NIPAL2: variants seen among roughly 807,000 people sequenced by gnomAD.
NIPAL2 encodes the protein NIPA like domain containing 2, also known as NIPA-like protein 2.
NIPAL2 carries 43 observed loss-of-function variants against 48.9 expected under a neutral mutation model. That is an observed-to-expected ratio of 0.88 (90% confidence interval 0.69 to 1.13). The LOEUF (loss-of-function observed/expected upper bound fraction) is 1.13, where lower values mean the gene tolerates loss of function less well. Among genes scored for constraint, NIPAL2 ranks in the 50% most tolerant of loss-of-function variants. The pLI is 0.00. For missense variants in NIPAL2, 446 were observed against 461.4 expected, an observed-to-expected ratio of 0.97 and a Z score of 0.31; for synonymous variants, 167 against 174.6, an observed-to-expected ratio of 0.96 and a Z score of 0.34.
At chr8:98,245,229 C>A (rs558562616) in intron 3 of NIPAL2, among the ~76,000 whole-genome samples, 4 of 152,200 alleles carry the variant, frequency 2.6e-5, no homozygotes, top group African/African-American at 7.2e-5. Context: ...GTGGACACAT[C>A]GAGCGTGCTC....
intron 5 of NIPAL2, among the ~76,000 whole-genome samples, chr8:98,218,255 A>T (rs1023139095): frequency 6.6e-6 from 1 of 152,184 alleles, no homozygotes. Flanking sequence ...CTGCAGGCAA[A>T]GAGTAATAAT....
rs564096649 is a variant in NIPAL2 at position 98,205,254 on chromosome 8, A to G, written c.656-8T>C. On this transcript the variant is annotated splice_region_variant and splice_polypyrimidine_tract_variant and intron_variant, in intron 6 of 10. Coordinates refer to ENST00000430223, the MANE Select transcript of NIPAL2 (RefSeq NM_001321635.2). ...AAATAACAGTCAATGAGGCTGAAAAAGAAAACAAAAAACACAAATAAAGAA... is the reference window on the plus strand; with the variant it reads ...AAATAACAGTCAATGAGGCTGAAAAGGAAAACAAAAAACACAAATAAAGAA... 3.1e-6 allele frequency: 5 copies of G among 1,599,628 alleles called. No individual in the cohort carries two copies. In the East Asian group the frequency reaches 1.1e-4, roughly 36 times the overall value.
At chr8:98,276,041 C>A (rs529776513) in intron 1 of NIPAL2, among the ~76,000 whole-genome samples, 15 of 152,328 alleles carry the variant, frequency 9.8e-5, no homozygotes, top group Admixed American at 5.2e-4. Context: ...TTCCCATTCT[C>A]ATGAATCAAG....
intron 1 of NIPAL2, among the ~76,000 whole-genome samples, chr8:98,279,741 A>G (rs1181392651): frequency 6.6e-6 from 1 of 152,226 alleles, no homozygotes; most frequent in Non-Finnish European, 1.5e-5. Context: ...CTTTTTCTCA[A>G]TACAAATGAA....
chr8:98,281,447 G>A (rs1815825050), intron 1 of NIPAL2, among the ~76,000 whole-genome samples: 1 of 152,048 alleles, frequency 6.6e-6, no homozygotes, highest in Non-Finnish European at 1.5e-5. Flanking sequence ...GGTGACTACA[G>A]CCAATAATAA....
intron 10 of NIPAL2, 27 bp from the exon 11 acceptor site, chr8:98,193,117 C>T: frequency 2.6e-6 from 4 of 1,535,952 alleles, no homozygotes; most frequent in Non-Finnish European, 3.6e-6. Context: ...CATAGAGAAT[C>T]TTTTGAGGTC....
intron 4 of NIPAL2, among the ~76,000 whole-genome samples, chr8:98,231,225 G>A (rs1298109420): frequency 6.6e-6 from 1 of 152,114 alleles, no homozygotes; most frequent in Non-Finnish European, 1.5e-5. Context: ...TGAAAATCTC[G>A]GTGATGTGGT....
At chr8:98,213,618 T>C (rs1314924430) in intron 5 of NIPAL2, among the ~76,000 whole-genome samples, 1 of 152,156 alleles carries the variant, frequency 6.6e-6, no homozygotes, top group Admixed American at 6.5e-5. Flanking sequence ...TTTTTTTTTT[T>C]CCTAGTTCTT....
intron 7 of NIPAL2, among the ~76,000 whole-genome samples, chr8:98,203,463 G>A (rs1810895625): frequency 6.6e-6 from 1 of 152,208 alleles, no homozygotes; most frequent in Non-Finnish European, 1.5e-5. Flanking sequence ...TGAGTTGGAA[G>A]CGATTCAAGC....
rs544934671 is a variant in NIPAL2, at chr8:98,217,726, A to T, written c.558+4753T>A. On this transcript the variant is annotated intron_variant, in intron 5 of 10. Coordinates refer to ENST00000430223, the MANE Select transcript of NIPAL2 (RefSeq NM_001321635.2). ...CTATTCTCCTTAGAGTCTAATGCCA[A>T]CAGTATTATTCAAAAGTGACTTTAT... is the stretch of plus-strand genomic sequence containing the variant. Among the ~76,000 whole-genome samples, 61 of 152,350 alleles carry T rather than the reference A, an allele frequency of 4.0e-4. No individual in the cohort carries two copies. The Middle Eastern group carries it at 0.01, about 25-fold the overall frequency.
Position 98,196,006 on chromosome 8 carries a change from C to G in NIPAL2, c.881-1G>C. 5.8e-6 allele frequency: 9 copies of G among 1,562,674 alleles called. No individual in the cohort carries two copies. Among genetic ancestry groups the G allele is most frequent in the Non-Finnish European group, 7.9e-6 (9 of 1,143,764 alleles). ...AGGAATTCCTGATAAAATATGATAC[C>G]TGTAACACAGGAAAAGAAGACAAAA... On this transcript the variant is annotated splice_acceptor_variant, in intron 8 of 10. Coordinates refer to ENST00000430223, the MANE Select transcript of NIPAL2 (RefSeq NM_001321635.2). LOFTEE classifies it high-confidence loss of function.
chr8:98,208,769 C>T (rs1386815330), intron 6 of NIPAL2, among the ~76,000 whole-genome samples: 1 of 152,108 alleles, frequency 6.6e-6, no homozygotes, highest in Admixed American at 6.6e-5. Context: ...TAAGAATGAT[C>T]ACCACTACTG....
chr8:98,223,920 G>GA (rs1402276928), intron 4 of NIPAL2, among the ~76,000 whole-genome samples: 2 of 151,806 alleles, frequency 1.3e-5, no homozygotes, highest in Non-Finnish European at 2.9e-5. Context: ...CTTTTCTTTG[G>GA]AAAAAAAATT....
At chr8:98,205,703 C>G (rs944183306) in intron 6 of NIPAL2, among the ~76,000 whole-genome samples, 2 of 152,166 alleles carry the variant, frequency 1.3e-5, no homozygotes, top group African/African-American at 2.4e-5. Flanking sequence ...TGAAATGCAA[C>G]TCACTTCTTG....
At chr8:98,224,449 C>T (rs1812052308) in intron 4 of NIPAL2, among the ~76,000 whole-genome samples, 1 of 151,836 alleles carries the variant, frequency 6.6e-6, no homozygotes, top group Admixed American at 6.6e-5. Flanking sequence ...AGGGTGGCTT[C>T]ATTCTTTTTA....
chr8:98,262,224 C>T (rs1378444033), intron 1 of NIPAL2, among the ~76,000 whole-genome samples: 6 of 151,784 alleles, frequency 4.0e-5, no homozygotes, highest in African/African-American at 7.3e-5. Flanking sequence ...CATCAACTAA[C>T]GAGCAAAATA....
At chr8:98,201,653 C>T (rs1327067159) in intron 8 of NIPAL2, among the ~76,000 whole-genome samples, 1 of 152,200 alleles carries the variant, frequency 6.6e-6, no homozygotes, top group Non-Finnish European at 1.5e-5. Context: ...TTAATATTAA[C>T]TATCAGGCTT....
intron 1 of NIPAL2, among the ~76,000 whole-genome samples, chr8:98,265,646 G>A (rs887235354): frequency 1.4e-3 from 193 of 140,142 alleles, no homozygotes; most frequent in African/African-American, 5.0e-3. Flanking sequence ...GTGCTGGAGA[G>A]GATGTAGAGA....
At chr8:98,211,420 A>C (rs1250444346) in intron 6 of NIPAL2, among the ~76,000 whole-genome samples, 1 of 152,198 alleles carries the variant, frequency 6.6e-6, no homozygotes, top group Non-Finnish European at 1.5e-5. Flanking sequence ...GCATACCTGA[A>C]TATAGCACAG....
Sources: allele counts gnomAD v4.1 joint callset (sites outside exome capture counted in the v4.1 genomes callset), GRCh38; gene constraint gnomAD v4.1.1; transcripts MANE v1.5; gene names NCBI Gene and HGNC (gene_info 2026-07-23, HGNC 2026-07-21).